NEK11: variants seen among roughly 807,000 people sequenced by gnomAD.
The protein encoded by NEK11 is serine/threonine-protein kinase Nek11.
A neutral mutation model predicts 80.7 loss-of-function variants in NEK11; 72 were observed. The observed-to-expected ratio is 0.89, with a 90% CI of 0.74 to 1.08. NEK11 has a LOEUF of 1.08. NEK11 is among the 50% of genes least tolerant of loss of function. NEK11 has a pLI of 0.00. For synonymous variants in NEK11, 251 were observed against 260.7 expected (o/e 0.96, Z 0.36); for missense variants, 764 against 763.6 (o/e 1.00, Z -0.01).
intron 16 of NEK11, among the ~76,000 whole-genome samples, chr3:131,249,346 A>G (rs1258928791): frequency 6.6e-6 from 1 of 152,108 alleles, no homozygotes; most frequent in African/African-American, 2.4e-5. Flanking sequence ...CAAGATTTGG[A>G]GGCCTCAACT....
At chr3:131,347,639 G>C (rs1297736903) in intron 17 of NEK11, among the ~76,000 whole-genome samples, 4 of 152,082 alleles carry the variant, frequency 2.6e-5, no homozygotes, top group African/African-American at 7.2e-5. Flanking sequence ...GTGAAAAAAG[G>C]CCGGACACGG....
rs1454382112 is a variant in NEK11 at position 131,228,419 on chromosome 3, A to G, written c.1400-109A>G. 2.0e-5 allele frequency: 18 copies of G among 893,798 alleles called. 1 individual carries two copies. The South Asian group carries it at 3.9e-4, about 19-fold the overall frequency. The allele number at this position is 893,798 out of a possible 1,614,324, so 55.4% of individuals were successfully genotyped here. On this transcript the variant is annotated intron_variant, in intron 14 of 17. Transcript: ENST00000383366. Reference sequence around the variant, plus strand: ...GAGATTCAGCTCTACACTCCATGGAAGCTTTGTCAACGCAAGCAAAATATA... The same window carrying G: ...GAGATTCAGCTCTACACTCCATGGAGGCTTTGTCAACGCAAGCAAAATATA...
chr3:131,153,968 T>C (rs982851613), intron 9 of NEK11, among the ~76,000 whole-genome samples: 1 of 152,110 alleles, frequency 6.6e-6, no homozygotes, highest in Admixed American at 6.5e-5. Flanking sequence ...CAACCAGCCA[T>C]GTAAAGAGCC....
At chr3:131,098,489 T>C (rs185852028) in intron 4 of NEK11, among the ~76,000 whole-genome samples, 142 of 152,268 alleles carry the variant, frequency 9.3e-4, no homozygotes, top group African/African-American at 2.9e-3. Flanking sequence ...ATTTCTCTGA[T>C]GATTAGTGAT....
At chr3:131,094,607 G>A (rs375529800) in intron 4 of NEK11, among the ~76,000 whole-genome samples, 1 of 152,182 alleles carries the variant, frequency 6.6e-6, no homozygotes, top group African/African-American at 2.4e-5. Flanking sequence ...TTCTCCAGGA[G>A]TATTCCATAA....
rs750114934 is a variant in NEK11, at chr3:131,162,544, T to G, written c.1082+17T>G. The G allele has an allele frequency of 6.2e-7, 1 of 1,613,582 alleles. No homozygotes were observed. The highest frequency in any genetic ancestry group is 1.7e-5 in the Admixed American group (1 of 59,958). On this transcript the variant is annotated intron_variant, in intron 11 of 17. Transcript: ENST00000383366. ...GAAGCTGAAGTAAGCTGCTTTTCCTTTAGGCACTCATGCTCGGGACTACTT... is the reference window on the plus strand; with the variant it reads ...GAAGCTGAAGTAAGCTGCTTTTCCTGTAGGCACTCATGCTCGGGACTACTT...
At chr3:131,154,551 A>G (rs545514181) in intron 9 of NEK11, among the ~76,000 whole-genome samples, 1 of 152,220 alleles carries the variant, frequency 6.6e-6, no homozygotes, top group African/African-American at 2.4e-5. Context: ...AAGTTTTGCT[A>G]TTGTATTCTT....
chr3:131,222,694 G>A (rs2095062868), intron 14 of NEK11, among the ~76,000 whole-genome samples: 1 of 152,168 alleles, frequency 6.6e-6, no homozygotes, highest in South Asian at 2.1e-4. Flanking sequence ...TCACATTCTA[G>A]AGCAGTGATT....
chr3:131,228,723 G>T lies in NEK11; in HGVS notation c.1560+35G>T, dbSNP rs192944216. 2.5e-6 allele frequency: 4 copies of T among 1,591,340 alleles called. No individual in the cohort carries two copies. The East Asian group carries it at 9.0e-5, about 36-fold the overall frequency. ...GCTCCCTGTCGGAAGCCATGGAACT[G>T]TTCAAGGTACTGATTGGACTCTCCC... On this transcript the variant is annotated intron_variant, in intron 15 of 17. Transcript: ENST00000383366.
At chr3:131,060,374 T>C (rs1326025951) in intron 3 of NEK11, among the ~76,000 whole-genome samples, 1 of 152,214 alleles carries the variant, frequency 6.6e-6, no homozygotes, top group East Asian at 1.9e-4. Flanking sequence ...CTCTGGTTGC[T>C]TTTTTCATCG....
At chr3:131,036,055 T>A (rs757717533) in intron 3 of NEK11, among the ~76,000 whole-genome samples, 1 of 152,232 alleles carries the variant, frequency 6.6e-6, no homozygotes, top group Non-Finnish European at 1.5e-5. Context: ...CCATCCAACC[T>A]GTGGTCTTTT....
Position 131,031,776 on chromosome 3 carries a change from T to A in NEK11, c.170+1898T>A, listed in dbSNP as rs1177344876. Among the ~76,000 whole-genome samples the A allele has an allele frequency of 2.0e-5, 3 of 152,000 alleles. No homozygotes were observed. In the South Asian group the frequency reaches 6.2e-4, roughly 32 times the overall value. ...ACTGGAGCTGAAGATGGCAGACATGTTTGTGGAATGAATCCAGTGGTGAGG... is the reference window on the plus strand; with the variant it reads ...ACTGGAGCTGAAGATGGCAGACATGATTGTGGAATGAATCCAGTGGTGAGG... On this transcript the variant is annotated intron_variant, in intron 3 of 17. Transcript: ENST00000383366.
Position 131,029,638 on chromosome 3 carries a change from G to C in NEK11, c.-71G>C. 6.9e-7 allele frequency: 1 copy of C among 1,443,002 alleles called. No homozygotes were observed. Among genetic ancestry groups the C allele is most frequent in the Non-Finnish European group, 9.6e-7 (1 of 1,043,560 alleles). 89.4% of individuals were successfully genotyped at this position (1,443,002 alleles called of 1,614,324 possible). On this transcript the variant is annotated 5_prime_UTR_variant, in exon 3 of 18. Coordinates refer to ENST00000383366, the MANE Select transcript of NEK11 (RefSeq NM_024800.5). ...GAACTGACCAACACTGGATGAATTT[G>C]ACCATTTCTTAGGAGACTGGAATGT...
chr3:131,056,984 C>A (rs1401509041), intron 3 of NEK11, among the ~76,000 whole-genome samples: 1 of 150,676 alleles, frequency 6.6e-6, no homozygotes. Context: ...TGTGCTGCAC[C>A]CATTAACTCG....
At chr3:131,328,691 T>A (rs2097018924) in intron 17 of NEK11, among the ~76,000 whole-genome samples, 1 of 152,206 alleles carries the variant, frequency 6.6e-6, no homozygotes, top group African/African-American at 2.4e-5. Context: ...ATCAGAATGG[T>A]GGAAAGTGCT....
At chr3:131,208,021 T>C (rs1580194762) in intron 14 of NEK11, among the ~76,000 whole-genome samples, 1 of 152,250 alleles carries the variant, frequency 6.6e-6, no homozygotes, top group African/African-American at 2.4e-5. Flanking sequence ...TTTGGTGTTT[T>C]AGTTATGAAG....
At chr3:131,085,876 C>G (rs561058336) in intron 4 of NEK11, among the ~76,000 whole-genome samples, 52 of 152,172 alleles carry the variant, frequency 3.4e-4, no homozygotes, top group Middle Eastern at 3.4e-3. Flanking sequence ...GCATTTAGTT[C>G]TATTTCTTTA....
intron 17 of NEK11, among the ~76,000 whole-genome samples, chr3:131,318,948 A>T (rs990941263): frequency 2.0e-5 from 3 of 151,876 alleles, no homozygotes; most frequent in African/African-American, 7.2e-5. Context: ...ATTTTCCAAT[A>T]TGATTAAATA....
chr3:131,161,633 A>G (rs1333828705), intron 10 of NEK11, among the ~76,000 whole-genome samples: 1 of 152,184 alleles, frequency 6.6e-6, no homozygotes, highest in Non-Finnish European at 1.5e-5. Context: ...CTAAATGATG[A>G]GAACACATGG....
Sources: allele counts gnomAD v4.1 joint callset (sites outside exome capture counted in the v4.1 genomes callset), GRCh38; gene constraint gnomAD v4.1.1; transcripts MANE v1.5; gene names NCBI Gene and HGNC (gene_info 2026-07-23, HGNC 2026-07-21).